The following SHISA6 variants were observed in gnomAD, a reference collection of about 807,000 sequenced individuals.
The protein encoded by SHISA6 is shisa family member 6, also known as protein shisa-6.
A neutral mutation model predicts 47.9 loss-of-function variants in SHISA6; 22 were observed. The ratio of observed to expected loss-of-function variants is 0.46; its 90% confidence interval spans 0.33 to 0.66. The LOEUF (loss-of-function observed/expected upper bound fraction) is 0.66. SHISA6 is among the 30% of genes least tolerant of loss of function. SHISA6 has a pLI of 0.02. For synonymous variants in SHISA6, 388 were observed against 337.8 expected, an observed-to-expected ratio of 1.15 and a Z score of -1.63; for missense variants, 680 against 764.6, an observed-to-expected ratio of 0.89 and a Z score of 1.30.
intron 3 of SHISA6, among the ~76,000 whole-genome samples, chr17:11,396,804 A>T (rs561195674): frequency 5.5e-4 from 83 of 152,278 alleles, no homozygotes; most frequent in African/African-American, 1.9e-3. Context: ...CGGGGCTTAA[A>T]ACCTAGATGA....
At chr17:11,402,176 G>A (rs1913796981) in intron 3 of SHISA6, among the ~76,000 whole-genome samples, 1 of 152,116 alleles carries the variant, frequency 6.6e-6, no homozygotes, top group Non-Finnish European at 1.5e-5. Context: ...CCATTTAGGA[G>A]GTTCCTTATT....
chr17:11,306,434 C>A (rs1910111481), intron 2 of SHISA6, among the ~76,000 whole-genome samples: 1 of 152,224 alleles, frequency 6.6e-6, no homozygotes, highest in Non-Finnish European at 1.5e-5. Flanking sequence ...GTAGAAATTG[C>A]CTTGAGAGTG....
intron 2 of SHISA6, among the ~76,000 whole-genome samples, chr17:11,334,185 C>T (rs1911234047): frequency 6.6e-6 from 1 of 152,092 alleles, no homozygotes; most frequent in Non-Finnish European, 1.5e-5. Context: ...CAACCAGAGT[C>T]CCAAGAAGGG....
chr17:11,294,972 G>T (rs1909694371), intron 2 of SHISA6, among the ~76,000 whole-genome samples: 1 of 152,126 alleles, frequency 6.6e-6, no homozygotes, highest in African/African-American at 2.4e-5. Flanking sequence ...GCTTTTTCAA[G>T]CCCGCACACT....
In SHISA6 at chr17:11,558,436, C is replaced by T. The variant is rs577041064; in HGVS notation, c.*132C>T. 5 of 1,092,720 alleles carry T rather than the reference C, an allele frequency of 4.6e-6. No individual in the cohort carries two copies. The highest frequency in any genetic ancestry group is 1.6e-5 in the South Asian group (1 of 61,586). The allele number at this position is 1,092,720 out of a possible 1,614,324, so 67.7% of individuals were successfully genotyped here. ...TCTGTAGGAAGTGGGGGTGGGCCAC[C>T]TTTGCCCAAAAAGCCATACCCCCGG... is the stretch of plus-strand genomic sequence containing the variant. On this transcript the variant is annotated 3_prime_UTR_variant, in exon 6 of 6. Coordinates refer to ENST00000441885, the MANE Select transcript of SHISA6 (RefSeq NM_207386.4).
At chr17:11,377,986 C>T (rs769682160) in intron 2 of SHISA6, among the ~76,000 whole-genome samples, 12 of 152,110 alleles carry the variant, frequency 7.9e-5, no homozygotes, top group Non-Finnish European at 1.6e-4. Flanking sequence ...TTTGCTGTAC[C>T]GGTCAACCCG....
At chr17:11,248,596 C>T (rs955712282) in intron 1 of SHISA6, among the ~76,000 whole-genome samples, 4 of 152,166 alleles carry the variant, frequency 2.6e-5, no homozygotes, top group Admixed American at 1.3e-4. Flanking sequence ...TTCTTTCCTA[C>T]GTTTCTGTAC....
chr17:11,459,175 C>T (rs1400622896), intron 3 of SHISA6, among the ~76,000 whole-genome samples: 3 of 148,750 alleles, frequency 2.0e-5, no homozygotes, highest in East Asian at 2.0e-4. Context: ...GCCAAAATCG[C>T]ACCACTTCAC....
chr17:11,245,049 G>A (rs192285434), intron 1 of SHISA6, among the ~76,000 whole-genome samples: 2 of 152,270 alleles, frequency 1.3e-5, no homozygotes, highest in East Asian at 3.9e-4. Flanking sequence ...ACTCCTTCAG[G>A]GAGGAAGATA....
At chr17:11,534,404 G>A (rs564113554) in intron 3 of SHISA6, among the ~76,000 whole-genome samples, 20 of 152,136 alleles carry the variant, frequency 1.3e-4, no homozygotes, top group Admixed American at 3.3e-4. Context: ...CCAAGTGCCC[G>A]GCATAATGGC....
At chr17:11,255,059 T>G (rs1179452320) in intron 1 of SHISA6, among the ~76,000 whole-genome samples, 1 of 152,238 alleles carries the variant, frequency 6.6e-6, no homozygotes, top group Non-Finnish European at 1.5e-5. Flanking sequence ...CAGGGATCCA[T>G]CTCCCATACC....
At chr17:11,329,370 G>T (rs1911020711) in intron 2 of SHISA6, among the ~76,000 whole-genome samples, 1 of 152,160 alleles carries the variant, frequency 6.6e-6, no homozygotes. Context: ...CACCAAATTT[G>T]TGGAAATAAT....
At position 11,512,539 on chromosome 17, in the gene SHISA6, T is replaced by C. The variant is rs554458380; in HGVS notation, c.896-39357T>C. Reference sequence around the variant, plus strand: ...TTTTGAAATTGTATTTCAAATTGAATTTTTTTTAAACTGAAAAAAGTTGTC... The same window carrying C: ...TTTTGAAATTGTATTTCAAATTGAACTTTTTTTAAACTGAAAAAAGTTGTC... On this transcript the variant is annotated intron_variant, in intron 3 of 5. Coordinates refer to ENST00000441885, the MANE Select transcript of SHISA6 (RefSeq NM_207386.4). Among the ~76,000 whole-genome samples the C allele has an allele frequency of 2.0e-5, 3 of 152,192 alleles. No homozygotes were observed. In the East Asian group the frequency reaches 5.8e-4, roughly 29 times the overall value.
intron 3 of SHISA6, among the ~76,000 whole-genome samples, chr17:11,388,832 ATATATAT>A (rs1567592152): frequency 5.2e-5 from 5 of 96,172 alleles, no homozygotes; most frequent in African/African-American, 1.3e-4. Flanking sequence ...ATATATATAT[ATATATAT>A]ATTTTAAAAA....
intron 3 of SHISA6, among the ~76,000 whole-genome samples, chr17:11,437,178 A>G (rs1304202155): frequency 1.3e-5 from 2 of 152,168 alleles, no homozygotes; most frequent in South Asian, 2.1e-4. Flanking sequence ...ATGAGCCGTG[A>G]CCTCTGGAAA....
chr17:11,256,679 C>T (rs1341661384), intron 1 of SHISA6, among the ~76,000 whole-genome samples: 1 of 152,136 alleles, frequency 6.6e-6, no homozygotes, highest in Non-Finnish European at 1.5e-5. Flanking sequence ...ATAGGTGCAC[C>T]TGACACATCC....
chr17:11,425,166 A>C (rs2142285008), intron 3 of SHISA6, among the ~76,000 whole-genome samples: 1 of 152,128 alleles, frequency 6.6e-6, no homozygotes, highest in East Asian at 1.9e-4. Flanking sequence ...CAAATAGGAG[A>C]GAGAAGAAAC....
At chr17:11,457,216 C>T (rs1915565089) in intron 3 of SHISA6, among the ~76,000 whole-genome samples, 2 of 152,180 alleles carry the variant, frequency 1.3e-5, no homozygotes, top group African/African-American at 2.4e-5. Flanking sequence ...GTACCCATTC[C>T]GTAGCTCCCC....
chr17:11,250,418 T>A (rs1453120278), intron 1 of SHISA6, among the ~76,000 whole-genome samples: 1 of 152,174 alleles, frequency 6.6e-6, no homozygotes, highest in Non-Finnish European at 1.5e-5. Context: ...ATTCCTAATG[T>A]GCATTTATCA....
Sources: allele counts gnomAD v4.1 joint callset (sites outside exome capture counted in the v4.1 genomes callset), GRCh38; gene constraint gnomAD v4.1.1; transcripts MANE v1.5; gene names NCBI Gene and HGNC (gene_info 2026-07-23, HGNC 2026-07-21).